SLC24A2: variants seen among roughly 807,000 people sequenced by gnomAD.
SLC24A2 encodes the protein sodium/potassium/calcium exchanger 2.
In SLC24A2, 36 loss-of-function variants were observed where a neutral mutation model predicts 62.0. The observed-to-expected ratio is 0.58, with a 90% confidence interval of 0.44 to 0.77. The LOEUF (loss-of-function observed/expected upper bound fraction) is 0.77, where lower values mean the gene tolerates loss of function less well. SLC24A2 is among the 30% of genes least tolerant of loss of function. The probability of loss-of-function intolerance (pLI) is 0.00; values close to 1 mark genes in which losing one functional copy is unlikely to be tolerated. For synonymous variants in SLC24A2, 358 were observed against 294.0 expected (o/e 1.22, Z -2.23); for missense variants, 846 against 817.9 (o/e 1.03, Z -0.42).
At chr9:19,557,635 T>A (rs1028037593) in intron 7 of SLC24A2, among the ~76,000 whole-genome samples, 2 of 152,192 alleles carry the variant, frequency 1.3e-5, no homozygotes, top group Non-Finnish European at 2.9e-5. Context: ...CAGCTCTGAG[T>A]GGCCCAGCCC....
At chr9:20,164,428 G>C in the SLC24A2 span, among the ~76,000 whole-genome samples, 3 of 151,992 alleles carry the variant, frequency 2.0e-5, no homozygotes, top group South Asian at 4.2e-4. Context: ...TCAAAACCAC[G>C]ATGAGATACC....
Position 19,556,070 on chromosome 9 carries a change from C to G in SLC24A2, c.1348-5802G>C, listed in dbSNP as rs901422693. Among the ~76,000 whole-genome samples, 25 of 152,320 alleles carry G rather than the reference C, an allele frequency of 1.6e-4. 1 individual carries two copies. The highest frequency in any genetic ancestry group is 5.3e-4 in the African/African-American group (22 of 41,572). ...AAATCTGGAGGCTCGGCCATCAGAA[C>G]TCTTACACAGCACAGAAGACGAGTT... is the stretch of plus-strand genomic sequence containing the variant. On this transcript the variant is annotated intron_variant, in intron 7 of 10. Transcript: ENST00000341998.
the SLC24A2 span, among the ~76,000 whole-genome samples, chr9:20,056,257 T>A: frequency 6.6e-6 from 1 of 152,156 alleles, no homozygotes; most frequent in Non-Finnish European, 1.5e-5. Flanking sequence ...AATAAATTGG[T>A]GGATGGCTGT....
At chr9:19,588,858 G>A (rs1836457669) in intron 5 of SLC24A2, among the ~76,000 whole-genome samples, 1 of 152,192 alleles carries the variant, frequency 6.6e-6, no homozygotes, top group South Asian at 2.1e-4. Flanking sequence ...CTACCTGGGA[G>A]GCTGAGGCAG....
intron 2 of SLC24A2, among the ~76,000 whole-genome samples, chr9:19,718,360 G>A (rs369184197): frequency 5.7e-5 from 7 of 121,884 alleles, no homozygotes; most frequent in South Asian, 2.8e-4. Flanking sequence ...TGGTGCAATC[G>A]CAGCTCACTG....
chr9:19,928,801 G>C, the SLC24A2 span: 25 of 152,142 alleles, frequency 1.6e-4, no homozygotes, highest in Non-Finnish European at 5.9e-5. Flanking sequence ...GGTTCTATTA[G>C]TCTTTGGTTT....
chr9:19,577,475 A>G (rs1234213995), intron 5 of SLC24A2, among the ~76,000 whole-genome samples: 2 of 152,202 alleles, frequency 1.3e-5, no homozygotes, highest in Non-Finnish European at 2.9e-5. Flanking sequence ...CCTAACTGAA[A>G]AAACCAAAAT....
At chr9:19,581,994 A>G (rs1376847033) in intron 5 of SLC24A2, among the ~76,000 whole-genome samples, 1 of 152,216 alleles carries the variant, frequency 6.6e-6, no homozygotes, top group African/African-American at 2.4e-5. Flanking sequence ...AGAAATAGCA[A>G]ACTGCTCAAA....
chr9:20,189,284 G>C, the SLC24A2 span, among the ~76,000 whole-genome samples: 444 of 152,162 alleles, frequency 2.9e-3, 1 homozygote, highest in Non-Finnish European at 5.0e-3. Flanking sequence ...GTTCTTAAGA[G>C]CCAGAGTTTC....
the SLC24A2 span, among the ~76,000 whole-genome samples, chr9:20,177,419 G>A: frequency 9.1e-4 from 138 of 151,980 alleles, no homozygotes; most frequent in African/African-American, 1.7e-3. Context: ...TGTCTTCTTT[G>A]TTGCAGCAGA....
In SLC24A2 at chr9:19,516,201, C is replaced by T. The variant is rs1331839122; in HGVS notation, c.1938G>A (p.Val646=). 2 of 1,614,150 alleles carry T rather than the reference C, an allele frequency of 1.2e-6. No homozygotes were observed. The highest frequency in any genetic ancestry group is 3.3e-5 in the Admixed American group (2 of 60,032). The change falls in exon 11 of 11, where the codon GTG becomes GTA. Residue 646 remains valine, a synonymous_variant. Transcript: ENST00000341998. ...MFGLYFVFLV[V]SVLLEDRILT... ...GAATTCTGTCTTCTAGGAGAACGCT[C>T]ACCACCAGGAACACAAAGTAGAGGC...
rs373558412 is a variant in SLC24A2 at position 19,724,916 on chromosome 9, A to G, written c.930+61021T>C. 1.8e-4 allele frequency among the ~76,000 whole-genome samples: 27 copies of G among 152,120 alleles called. 1 individual carries two copies. The East Asian group carries it at 2.5e-3, about 14-fold the overall frequency. ...ACTACAGTTAAATCCAAAATCCTAC[A>G]CAACCTCAAGCGCCAGTCAAATCTC... is the stretch of plus-strand genomic sequence containing the variant. On this transcript the variant is annotated intron_variant, in intron 2 of 10. Transcript: ENST00000341998.
At chr9:20,133,761 A>C in the SLC24A2 span, among the ~76,000 whole-genome samples, 1 of 152,210 alleles carries the variant, frequency 6.6e-6, no homozygotes, top group African/African-American at 2.4e-5. Context: ...TAAGTGGTTT[A>C]ATTCAGGAAA....
the SLC24A2 span, among the ~76,000 whole-genome samples, chr9:20,279,833 G>T: frequency 6.6e-6 from 1 of 152,154 alleles, no homozygotes; most frequent in Non-Finnish European, 1.5e-5. Context: ...TGCATGGCTG[G>T]TCATAAGCAG....
the SLC24A2 span, among the ~76,000 whole-genome samples, chr9:19,821,394 G>A: frequency 5.3e-5 from 8 of 152,024 alleles, no homozygotes; most frequent in African/African-American, 1.9e-4. Flanking sequence ...GATTGTAAAC[G>A]GATTTATTTT....
the SLC24A2 span, among the ~76,000 whole-genome samples, chr9:20,234,285 T>C: frequency 1.3e-5 from 2 of 152,214 alleles, no homozygotes; most frequent in African/African-American, 4.8e-5. Context: ...CCTTGCTAGA[T>C]TGGGGAAGTT....
At chr9:19,636,735 G>A (rs528971440) in intron 2 of SLC24A2, among the ~76,000 whole-genome samples, 1 of 152,174 alleles carries the variant, frequency 6.6e-6, no homozygotes, top group East Asian at 1.9e-4. Context: ...CGCCTGGCCA[G>A]TACTAGGGTT....
intron 9 of SLC24A2, among the ~76,000 whole-genome samples, chr9:19,527,391 A>T (rs915726561): frequency 6.6e-6 from 1 of 152,166 alleles, no homozygotes; most frequent in Non-Finnish European, 1.5e-5. Context: ...CTTTGAACCT[A>T]TGTATAGGGT....
rs115028175 is a variant in SLC24A2 at position 19,759,235 on chromosome 9, C to T, written c.930+26702G>A. On this transcript the variant is annotated intron_variant, in intron 2 of 10. Coordinates refer to ENST00000341998, the MANE Select transcript of SLC24A2 (RefSeq NM_020344.4). ...TAGCAAGTTGGCATAACCTAAATAC[C>T]AGAGAATCTTGTTTTGAATTTCTAC... Among the ~76,000 whole-genome samples the T allele has an allele frequency of 2.4e-3, 364 of 152,224 alleles. 2 individuals are homozygous for T. The highest frequency in any genetic ancestry group is 7.9e-3 in the African/African-American group (329 of 41,546).
Sources: gnomAD v4.1 joint callset for allele counts (sites outside exome capture counted in the v4.1 genomes callset) on GRCh38, gnomAD v4.1.1 for gene constraint, MANE v1.5 for transcripts, NCBI Gene and HGNC (gene_info 2026-07-23, HGNC 2026-07-21) for gene names.